The following FAM153A variants were observed in gnomAD, a reference collection of about 807,000 sequenced individuals.
FAM153A encodes protein FAM153A.
In FAM153A, 12 loss-of-function variants were observed where a neutral mutation model predicts 48.1. The observed-to-expected ratio is 0.25, with a 90% CI of 0.16 to 0.40. FAM153A has a LOEUF of 0.40. FAM153A is among the 10% of genes least tolerant of loss of function. The pLI is 1.00. For synonymous variants in FAM153A, 36 were observed against 118.2 expected, an observed-to-expected ratio of 0.30 and a Z score of 4.51; for missense variants, 111 against 345.8, an observed-to-expected ratio of 0.32 and a Z score of 5.38.
intron 10 of FAM153A, 140 bp from the exon 13 acceptor site, chr5:177,737,252 A>G (rs1283994732): frequency 6.3e-6 from 10 of 1,584,458 alleles, no homozygotes; most frequent in Non-Finnish European, 8.6e-6. Context: ...TCCATCCTCC[A>G]TGGTGGAGGG....
chr5:177,707,200 C>G (rs1349211451), downstream of FAM153A, among the ~76,000 whole-genome samples: 3 of 151,914 alleles, frequency 2.0e-5, no homozygotes, highest in Non-Finnish European at 4.4e-5. Flanking sequence ...CAGGTAATTA[C>G]AGAACATTTC....
At chr5:177,695,912 A>G in the FAM153A span, among the ~76,000 whole-genome samples, 56,987 of 103,842 alleles carry the variant, frequency 0.55, 14,645 homozygotes, top group East Asian at 0.62. Flanking sequence ...CTTCCCAGAC[A>G]GGGTGGCCGG....
intron 1 of FAM153A, among the ~76,000 whole-genome samples, chr5:177,768,227 G>C (rs1447740479): frequency 1.4e-5 from 2 of 145,292 alleles, no homozygotes. Context: ...AGGTGGCACA[G>C]AGATTCCATG....
chr5:177,738,081 C>T (rs912586595), intron 10 of FAM153A, among the ~76,000 whole-genome samples: 1 of 151,218 alleles, frequency 6.6e-6, no homozygotes, highest in African/African-American at 2.5e-5. Context: ...TAGGACAGCC[C>T]ATCACGGGGG....
upstream of FAM153A, chr5:177,783,034 A>C (rs1769833969): frequency 2.1e-5 from 2 of 93,888 alleles, 1 homozygote; most frequent in South Asian, 8.1e-4. Flanking sequence ...TGGTGCTGGC[A>C]TGGGCACCCC....
At chr5:177,782,991 A>G (rs1431619729), upstream of FAM153A, 1 of 94,816 alleles carries the variant, frequency 1.1e-5, no homozygotes, top group Non-Finnish European at 2.2e-5. Context: ...CTGGCCGTGT[A>G]GCCCGCCCCG....
downstream of FAM153A, chr5:177,706,833 G>GT (rs747806619): frequency 3.9e-5 from 6 of 151,948 alleles, no homozygotes; most frequent in Non-Finnish European, 7.3e-5. Context: ...TTTGGCAAAT[G>GT]TGAAGAAGTG....
chr5:177,695,712 C>T, the FAM153A span, among the ~76,000 whole-genome samples: 1 of 151,628 alleles, frequency 6.6e-6, no homozygotes, highest in Admixed American at 6.6e-5. Context: ...ACATTTCCCC[C>T]TTTCTTTTAG....
chr5:177,700,329 A>G, the FAM153A span, among the ~76,000 whole-genome samples: 1 of 151,952 alleles, frequency 6.6e-6, no homozygotes, highest in African/African-American at 2.4e-5. Context: ...TTGTATTGGA[A>G]TTTCTAACCA....
downstream of FAM153A, among the ~76,000 whole-genome samples, chr5:177,704,615 C>A (rs1245501636): frequency 6.6e-6 from 1 of 151,464 alleles, no homozygotes; most frequent in African/African-American, 2.4e-5. Context: ...GTGATTGGAT[C>A]ATGGAGGCAG....
the FAM153A span, among the ~76,000 whole-genome samples, chr5:177,696,342 G>A: frequency 4.0e-5 from 6 of 148,244 alleles, no homozygotes; most frequent in Admixed American, 6.7e-5. Flanking sequence ...CCAGATGGGC[G>A]GCCGGGCAGA....
the FAM153A span, among the ~76,000 whole-genome samples, chr5:177,702,852 T>C: frequency 3.7e-4 from 56 of 151,922 alleles, 1 homozygote; most frequent in Non-Finnish European, 7.4e-5. Context: ...CTTTGGAGAC[T>C]CTGCCTGTAT....
chr5:177,717,086 G>T (rs1322249951), intron 24 of FAM153A: 1 of 148,694 alleles, frequency 6.7e-6, no homozygotes, highest in Admixed American at 6.8e-5. Context: ...GAGCTAAATC[G>T]TACCAAAGAA....
intron 25 of FAM153A, among the ~76,000 whole-genome samples, chr5:177,715,185 T>A (rs1759423164): frequency 6.6e-6 from 1 of 151,774 alleles, no homozygotes; most frequent in Admixed American, 6.6e-5. Context: ...GGTTTCACCA[T>A]GTTGGCCAGG....
the FAM153A span, among the ~76,000 whole-genome samples, chr5:177,700,995 G>A: frequency 6.6e-6 from 1 of 151,894 alleles, no homozygotes; most frequent in African/African-American, 2.4e-5. Flanking sequence ...TGGGAGGTGA[G>A]TGGATCATAG....
At chr5:177,694,721 G>A in the FAM153A span, among the ~76,000 whole-genome samples, 10 of 94,398 alleles carry the variant, frequency 1.1e-4, no homozygotes, top group Admixed American at 3.5e-4. Context: ...TGAGGGTCTG[G>A]TGATAGCTGG....
intron 1 of FAM153A, among the ~76,000 whole-genome samples, chr5:177,761,438 T>C (rs1768309917): frequency 6.6e-6 from 1 of 152,046 alleles, no homozygotes; most frequent in African/African-American, 2.4e-5. Flanking sequence ...CCTGGCCGAC[T>C]ACATCATGCA....
At chr5:177,702,625 C>T in the FAM153A span, among the ~76,000 whole-genome samples, 2 of 151,852 alleles carry the variant, frequency 1.3e-5, no homozygotes, top group Non-Finnish European at 2.9e-5. Context: ...CCATCACAGA[C>T]TCAGAGGCCT....
rs1471728793 is a variant in FAM153A, at chr5:177,769,975, G to A, written c.-57+10474C>T. Among the ~76,000 whole-genome samples the A allele has an allele frequency of 2.3e-4, 22 of 96,146 alleles. 4 individuals are homozygous for A. The highest frequency in any genetic ancestry group is 4.1e-4 in the Non-Finnish European group (19 of 46,524). The allele number at this position is 96,146 out of a possible 152,430, so 63.1% of individuals were successfully genotyped here. A position where few individuals can be genotyped will look rare whatever the true frequency, so the allele number is the denominator to read the frequency against. On this transcript the variant is annotated intron_variant, in intron 1 of 8. Transcript: ENST00000393518. The stretch of plus-strand genomic sequence containing the variant: ...GTTCCAATGCTTGCCCCTTTCCCTA[G>A]TAGGAGAAAAAAATTCTTTTTCACC...
Sources: allele counts gnomAD v4.1 joint callset (sites outside exome capture counted in the v4.1 genomes callset), GRCh38; gene constraint gnomAD v4.1.1; transcripts MANE v1.5; gene names NCBI Gene and HGNC (gene_info 2026-07-23, HGNC 2026-07-21).